Variants in P3H2 observed in about 807,000 individuals in gnomAD.
The protein encoded by P3H2 is prolyl 3-hydroxylase 2.
P3H2 carries 80 observed loss-of-function variants against 87.0 expected under a neutral mutation model. The ratio of observed to expected loss-of-function variants is 0.92; its 90% CI spans 0.77 to 1.11. P3H2 has a LOEUF of 1.11. Ranked by LOEUF, P3H2 falls within the 50% of genes least tolerant of loss-of-function variation. P3H2 has a pLI of 0.00. For synonymous variants in P3H2, 367 were observed against 359.3 expected, an observed-to-expected ratio of 1.02 and a Z score of -0.24; for missense variants, 1,001 against 923.9, an observed-to-expected ratio of 1.08 and a Z score of -1.08.
At chr3:190,062,962 T>A (rs1199794947) in intron 1 of P3H2, among the ~76,000 whole-genome samples, 1 of 152,120 alleles carries the variant, frequency 6.6e-6, no homozygotes, top group Non-Finnish European at 1.5e-5. Context: ...ATGAGCAAAT[T>A]CTATTGAATA....
At chr3:189,966,870 A>G (rs1232233327) in intron 13 of P3H2, among the ~76,000 whole-genome samples, 1 of 152,230 alleles carries the variant, frequency 6.6e-6, no homozygotes, top group Non-Finnish European at 1.5e-5. Context: ...TGATTTAGAA[A>G]AGCGTTTGTG....
intron 1 of P3H2, among the ~76,000 whole-genome samples, chr3:190,028,001 T>G (rs1725136587): frequency 6.6e-6 from 1 of 151,722 alleles, no homozygotes; most frequent in Non-Finnish European, 1.5e-5. Context: ...AGGCTTCCAC[T>G]ACCTCCTCTG....
chr3:190,094,667 C>T (rs1299390677), intron 1 of P3H2, among the ~76,000 whole-genome samples: 4 of 152,148 alleles, frequency 2.6e-5, no homozygotes, highest in African/African-American at 9.7e-5. Flanking sequence ...TGACATTCTG[C>T]CCAACCCAAA....
At chr3:189,990,545 GA>G (rs903925631) in intron 3 of P3H2, among the ~76,000 whole-genome samples, 3 of 151,952 alleles carry the variant, frequency 2.0e-5, no homozygotes, top group Non-Finnish European at 2.9e-5. Context: ...AGGAGTGACA[GA>G]AAGGTATCCT....
At chr3:190,005,941 A>T (rs907595292) in intron 1 of P3H2, among the ~76,000 whole-genome samples, 1 of 152,236 alleles carries the variant, frequency 6.6e-6, no homozygotes, top group African/African-American at 2.4e-5. Context: ...TGTTTCATAC[A>T]TTCCTCTGGC....
intron 1 of P3H2, among the ~76,000 whole-genome samples, chr3:190,023,183 G>A (rs1444639880): frequency 6.6e-6 from 1 of 152,130 alleles, no homozygotes; most frequent in Non-Finnish European, 1.5e-5. Context: ...TGCTGACCAA[G>A]GACTACACTA....
chr3:190,086,495 A>C (rs1402011522), intron 1 of P3H2, among the ~76,000 whole-genome samples: 1 of 152,194 alleles, frequency 6.6e-6, no homozygotes, highest in African/African-American at 2.4e-5. Flanking sequence ...TAGCTGAGTA[A>C]GAATCAGAAC....
intron 1 of P3H2, among the ~76,000 whole-genome samples, chr3:190,032,612 G>A (rs1725287227): frequency 6.6e-6 from 1 of 152,150 alleles, no homozygotes; most frequent in South Asian, 2.1e-4. Flanking sequence ...ACATTTATGG[G>A]TACATTTAGA....
chr3:190,026,420 T>C (rs1451648090), intron 1 of P3H2, among the ~76,000 whole-genome samples: 3 of 152,156 alleles, frequency 2.0e-5, no homozygotes, highest in Non-Finnish European at 4.4e-5. Flanking sequence ...ACAAAACAGC[T>C]TGCAGTAAAA....
chr3:189,975,256 C>T (rs555779437), intron 8 of P3H2, among the ~76,000 whole-genome samples: 4 of 152,290 alleles, frequency 2.6e-5, no homozygotes, highest in South Asian at 4.1e-4. Context: ...AAAATCATCA[C>T]GTTTCTATTT....
intron 1 of P3H2, among the ~76,000 whole-genome samples, chr3:190,011,980 A>G (rs1724603436): frequency 6.6e-6 from 1 of 152,170 alleles, no homozygotes; most frequent in Non-Finnish European, 1.5e-5. Flanking sequence ...CTTGTTTTCT[A>G]ATTTTAAAAA....
chr3:189,957,482 T>G lies in P3H2; in HGVS notation c.*430A>C. On this transcript the variant is annotated 3_prime_UTR_variant, in exon 15 of 15. Coordinates refer to ENST00000319332, the MANE Select transcript of P3H2 (RefSeq NM_018192.4). ...GTGTGTGTGTGTGTGTGTGTGTGTT[T>G]GGGGGAGGAGGTGAACTGGGCTTTG... 2.8e-6 allele frequency: 1 copy of G among 351,148 alleles called. No homozygotes were observed. The highest frequency in any genetic ancestry group is 4.9e-5 in the East Asian group (1 of 20,442). The allele number at this position is 351,148 out of a possible 1,614,324, so 21.8% of individuals were successfully genotyped here. A position where few individuals can be genotyped will look rare whatever the true frequency, so the allele number is the denominator to read the frequency against.
At chr3:189,970,672 T>C (rs1400275921) in intron 13 of P3H2, 144 bp downstream of exon 13, 14 of 641,052 alleles carry the variant, frequency 2.2e-5, no homozygotes, top group South Asian at 1.9e-4. Flanking sequence ...CAGTTTATGA[T>C]CTATACATTT....
At chr3:190,015,155 G>A (rs1241558636) in intron 1 of P3H2, among the ~76,000 whole-genome samples, 2 of 152,096 alleles carry the variant, frequency 1.3e-5, no homozygotes, top group Non-Finnish European at 2.9e-5. Context: ...GGGACCACAG[G>A]TGTGCACCAT....
intron 8 of P3H2, among the ~76,000 whole-genome samples, chr3:189,977,246 A>T (rs1243718325): frequency 6.6e-6 from 1 of 152,208 alleles, no homozygotes; most frequent in African/African-American, 2.4e-5. Context: ...CATTTCTGTG[A>T]CTATGTTACA....
chr3:190,029,609 G>A (rs1338104009), intron 1 of P3H2, among the ~76,000 whole-genome samples: 1 of 151,896 alleles, frequency 6.6e-6, no homozygotes, highest in Non-Finnish European at 1.5e-5. Context: ...TATCCACATT[G>A]TTATTTAACC....
intron 1 of P3H2, among the ~76,000 whole-genome samples, chr3:190,061,667 C>G (rs1254653690): frequency 6.6e-6 from 1 of 152,184 alleles, no homozygotes; most frequent in Non-Finnish European, 1.5e-5. Flanking sequence ...TAAGGACACT[C>G]ATATCCCTTA....
intron 2 of P3H2, 85 bp from the exon 3 acceptor site, chr3:189,994,368 G>C (rs940863725): frequency 8.8e-7 from 1 of 1,137,098 alleles, no homozygotes; most frequent in Non-Finnish European, 1.3e-6. Flanking sequence ...AAGGGTTTTT[G>C]TTGACTCAGG....
chr3:190,026,699 T>A (rs1327994868), intron 1 of P3H2, among the ~76,000 whole-genome samples: 1 of 152,252 alleles, frequency 6.6e-6, no homozygotes. Context: ...ACTTTCCTAA[T>A]AAACTTGCTT....
Sources: allele counts gnomAD v4.1 joint callset (sites outside exome capture counted in the v4.1 genomes callset), GRCh38; gene constraint gnomAD v4.1.1; transcripts MANE v1.5; gene names NCBI Gene and HGNC (gene_info 2026-07-23, HGNC 2026-07-21).